NIN: variants seen among roughly 807,000 people sequenced by gnomAD.
NIN encodes glycogen synthase kinase 3 beta-interacting protein.
NIN carries 137 observed loss-of-function variants against 257.6 expected under a neutral mutation model. The ratio of observed to expected loss-of-function variants is 0.53; its 90% CI spans 0.46 to 0.61. The LOEUF is 0.61. NIN is among the 20% of genes least tolerant of loss of function. NIN has a pLI of 0.00. For synonymous variants in NIN, 918 were observed against 919.8 expected (o/e 1.00, Z 0.04); for missense variants, 2,439 against 2,501.2 (o/e 0.98, Z 0.53).
chr14:50,743,898 A>G (rs1202648278), intron 23 of NIN, among the ~76,000 whole-genome samples: 1 of 152,248 alleles, frequency 6.6e-6, no homozygotes, highest in Non-Finnish European at 1.5e-5. Flanking sequence ...GGATTTGCTA[A>G]AGAAGATAAA....
chr14:50,740,192 CTTT>C (rs34661828), intron 25 of NIN, among the ~76,000 whole-genome samples: 1 of 147,004 alleles, frequency 6.8e-6, no homozygotes, highest in Non-Finnish European at 1.5e-5. Context: ...AAAATGGAAA[CTTT>C]TTTTTTTTTG....
At position 50,770,408 on chromosome 14, in the gene NIN, G is replaced by A. The variant is rs747426018; in HGVS notation, c.1414C>T (p.Arg472Cys). The A allele has an allele frequency of 8.1e-6, 13 of 1,614,040 alleles. No homozygotes were observed. The highest frequency in any genetic ancestry group is 5.3e-5 in the African/African-American group (4 of 74,922). Residue 472 changes from arginine to cysteine, a missense_variant, in exon 12 of 31, where the codon CGC becomes TGC. Physicochemically the swap from Arg to Cys is radical, Grantham distance 180. This residue lies in a region of NIN where 2,043 missense variants were observed against 2,050.2 expected (regional missense o/e 1.00). Coordinates refer to ENST00000530997, the MANE Select transcript of NIN (RefSeq NM_020921.4). ...ATTACCTTTAAAGAGAGGGCAAGGC[G>A]GTCCCGGATATAGTTCTCTTCTGTT... is the stretch of plus-strand genomic sequence containing the variant. ...AKTEENYIRDRLALSLKENSR... is the reference protein window; with the variant it reads ...AKTEENYIRDCLALSLKENSR...
At chr14:50,792,989 A>C in intron 4 of NIN, 108 bp from the exon 5 acceptor site, 4 of 1,118,390 alleles carry the variant, frequency 3.6e-6, no homozygotes, top group Non-Finnish European at 5.2e-6. Context: ...AAAATAAACC[A>C]CCACTGTTTG....
At chr14:50,770,363 A>C (rs1181711919) in intron 12 of NIN, 25 bp downstream of exon 12, 8 of 1,607,152 alleles carry the variant, frequency 5.0e-6, no homozygotes, top group Non-Finnish European at 6.8e-6. Context: ...AGGGACGCAG[A>C]CCACAGAACT....
At chr14:50,743,550 G>T (rs1405716871) in intron 23 of NIN, 21 bp from the exon 24 acceptor site, 6 of 1,510,700 alleles carry the variant, frequency 4.0e-6, no homozygotes, top group Non-Finnish European at 3.7e-6. Flanking sequence ...AAGGGAAAAA[G>T]AGGTAAGAGG....
At chr14:50,771,149 C>G (rs2042715519) in intron 10 of NIN, among the ~76,000 whole-genome samples, 157 bp from the exon 11 acceptor site, 1 of 152,182 alleles carries the variant, frequency 6.6e-6, no homozygotes, top group Non-Finnish European at 1.5e-5. Flanking sequence ...CCTTCAAAAG[C>G]CTACATGTCA....
intron 3 of NIN, among the ~76,000 whole-genome samples, chr14:50,818,120 G>A (rs1252263479): frequency 2.6e-5 from 4 of 151,758 alleles, no homozygotes; most frequent in East Asian, 2.0e-4. Context: ...TCAGGAGATC[G>A]AGACCATCCT....
chr14:50,806,096 T>C lies in NIN; in HGVS notation c.265+641A>G, dbSNP rs999785360. 1.3e-5 allele frequency: 2 copies of C among 152,242 alleles called. 1 individual carries two copies. Among genetic ancestry groups the C allele is most frequent in the African/African-American group, 4.8e-5 (2 of 41,468 alleles). 9.4% of individuals were successfully genotyped at this position (152,242 alleles called of 1,614,324 possible). On this transcript the variant is annotated intron_variant, in intron 4 of 30. Coordinates refer to ENST00000530997, the MANE Select transcript of NIN (RefSeq NM_020921.4). The stretch of plus-strand genomic sequence containing the variant: ...ACATTACAATTGGCAACAATTTTTG[T>C]TTTTAGAGATACATGAAATAACAAT...
In NIN at chr14:50,771,450, C is replaced by A; in HGVS notation, c.1000G>T (p.Asp334Tyr). The A allele has an allele frequency of 6.2e-7, 1 of 1,613,988 alleles. No homozygotes were observed. Among genetic ancestry groups the A allele is most frequent in the Non-Finnish European group, 8.5e-7 (1 of 1,179,956 alleles). The change falls in exon 10 of 31, where the codon GAT (aspartate) becomes TAT (tyrosine). Residue 334 changes from aspartate (D) to tyrosine (Y), a missense_variant. Asp to Tyr is a radical substitution (Grantham distance 160). Coordinates refer to ENST00000530997, the MANE Select transcript of NIN (RefSeq NM_020921.4). ...EILKALDFSL[D>Y]GNINLTELTL... ...AATTCTGTCAAATTGATGTTTCCATCGAGGCTGAAATCCAAGGCCTAGAAA... is the reference window on the plus strand; with the variant it reads ...AATTCTGTCAAATTGATGTTTCCATAGAGGCTGAAATCCAAGGCCTAGAAA...
chr14:50,799,671 C>T (rs182897137), intron 4 of NIN, among the ~76,000 whole-genome samples: 46 of 152,294 alleles, frequency 3.0e-4, no homozygotes, highest in Non-Finnish European at 4.1e-4. Context: ...CGTTTGGAAA[C>T]CTTCTTATAT....
At chr14:50,766,190 G>T in intron 14 of NIN, 117 bp downstream of exon 14, 1 of 732,618 alleles carries the variant, frequency 1.4e-6, no homozygotes, top group South Asian at 1.6e-5. Context: ...TATGCATGAG[G>T]AATGGAAGTA....
chr14:50,729,114 T>C (rs2040559250), intron 29 of NIN, among the ~76,000 whole-genome samples: 1 of 152,206 alleles, frequency 6.6e-6, no homozygotes, highest in South Asian at 2.1e-4. Context: ...TCATCGTTTA[T>C]TACAAATGGG....
At chr14:50,816,195 G>A (rs909305540) in intron 3 of NIN, among the ~76,000 whole-genome samples, 3 of 151,532 alleles carry the variant, frequency 2.0e-5, no homozygotes, top group African/African-American at 7.3e-5. Context: ...GTGGGGAACA[G>A]CACACATTGG....
intron 29 of NIN, among the ~76,000 whole-genome samples, chr14:50,728,795 A>AT (rs2140337674): frequency 6.6e-6 from 1 of 152,362 alleles, no homozygotes; most frequent in East Asian, 1.9e-4. Flanking sequence ...CCTAAGTAAT[A>AT]TAAGATTGGA....
At chr14:50,743,273 A>G in intron 24 of NIN, 143 bp downstream of exon 24, 1 of 607,806 alleles carries the variant, frequency 1.6e-6, no homozygotes, top group East Asian at 3.1e-5. Flanking sequence ...CACACTATAA[A>G]CACACATCAA....
At chr14:50,807,339 A>C (rs2044376775) in intron 3 of NIN, among the ~76,000 whole-genome samples, 1 of 152,244 alleles carries the variant, frequency 6.6e-6, no homozygotes, top group Non-Finnish European at 1.5e-5. Flanking sequence ...TAAATAAGCA[A>C]AAATCAATAG....
At position 50,723,308 on chromosome 14, in the gene NIN, A is replaced by G. The variant is rs1279522723; in HGVS notation, c.*155T>C. On this transcript the variant is annotated 3_prime_UTR_variant, in exon 31 of 31. Coordinates refer to ENST00000530997, the MANE Select transcript of NIN (RefSeq NM_020921.4). ...TGTGAGTATTTATTTTCAAACTCCC[A>G]TAAGGGTCTATTTAGAAAAACTAAT... is the stretch of plus-strand genomic sequence containing the variant. The G allele has an allele frequency of 1.7e-6, 1 of 594,184 alleles. No homozygotes were observed. The highest frequency in any genetic ancestry group is 2.8e-5 in the East Asian group (1 of 35,934). 36.8% of individuals were successfully genotyped at this position (594,184 alleles called of 1,614,324 possible).
chr14:50,824,436 C>T (rs995027425), intron 2 of NIN, among the ~76,000 whole-genome samples: 1 of 152,168 alleles, frequency 6.6e-6, no homozygotes, highest in African/African-American at 2.4e-5. Flanking sequence ...GAGACAAGCA[C>T]CACCCCTGTG....
Position 50,757,831 on chromosome 14 carries a change from G to C in NIN, c.3199C>G (p.Leu1067Val), listed in dbSNP as rs998733256. 6.2e-6 allele frequency: 10 copies of C among 1,613,956 alleles called. No individual in the cohort carries two copies. Among genetic ancestry groups the C allele is most frequent in the Non-Finnish European group, 8.5e-6 (10 of 1,180,020 alleles). ...TCATGAGCTCTCTGCAGGCTTAAGA[G>C]GACGTCCCCATTTTCTTCCAACAGC... ...EQLLEENGDV[L>V]LSLQRAHEQA... Residue 1067 changes from leucine to valine, a missense_variant, in exon 18 of 31, where the codon CTC becomes GTC. Leu to Val is a conservative substitution (Grantham distance 32). Around this residue, in one of 3 missense-constraint regions of NIN, gnomAD observed 2,043 missense variants for 2,050.2 expected, o/e 1.00. Transcript: ENST00000530997.
Sources: gnomAD v4.1 joint callset for allele counts (sites outside exome capture counted in the v4.1 genomes callset) on GRCh38, gnomAD v4.1.1 for gene constraint, gnomAD v4.1.1 regional missense constraint, MANE v1.5 for transcripts, NCBI Gene and HGNC (gene_info 2026-07-23, HGNC 2026-07-21) for gene names.